Variants in NPAS3 observed in about 807,000 individuals in gnomAD.
NPAS3 encodes the protein neuronal PAS domain protein 3, also known as neuronal PAS domain-containing protein 3.
A neutral mutation model predicts 73.1 loss-of-function variants in NPAS3; 14 were observed. That is an observed-to-expected ratio of 0.19 (90% CI 0.13 to 0.30). The LOEUF (loss-of-function observed/expected upper bound fraction) is 0.30. NPAS3 is among the 10% of genes least tolerant of loss of function. The pLI is 1.00. For missense variants in NPAS3, 1,096 were observed against 1,250.0 expected (o/e 0.88, Z 1.86); for synonymous variants, 620 against 541.5 (o/e 1.14, Z -2.01).
intron 2 of NPAS3, among the ~76,000 whole-genome samples, chr14:33,137,327 C>G (rs1229044858): frequency 6.6e-6 from 1 of 152,100 alleles, no homozygotes; most frequent in Non-Finnish European, 1.5e-5. Context: ...TTTGATGTAG[C>G]CTCTGGCAAC....
rs561605509 is a variant in NPAS3, at chr14:33,059,263, G to T, written c.140+3269G>T. ...GACATTATTTTCTATGTTGCATTTA[G>T]ATTTTATTGGTAATTATTTAAATGA... On this transcript the variant is annotated intron_variant, in intron 2 of 11. Transcript: ENST00000356141. Among the ~76,000 whole-genome samples, 17 of 152,214 alleles carry T rather than the reference G, an allele frequency of 1.1e-4. 1 individual carries two copies. Among genetic ancestry groups the T allele is most frequent in the South Asian group, 6.2e-4 (3 of 4,820 alleles).
chr14:32,938,709 T>G (rs4081133), upstream of NPAS3, among the ~76,000 whole-genome samples: 149,653 of 150,608 alleles, frequency 0.99, 74,361 homozygotes, highest in Middle Eastern at 1. Context: ...GCCACCGGGC[T>G]GCTCCGGGTG....
chr14:33,784,358 C>A (rs551488859), intron 9 of NPAS3, among the ~76,000 whole-genome samples: 1 of 152,314 alleles, frequency 6.6e-6, no homozygotes, highest in Non-Finnish European at 1.5e-5. Context: ...GAGAAGGCAG[C>A]ATGAAACAGC....
At chr14:33,250,577 T>G (rs1333867549) in intron 3 of NPAS3, among the ~76,000 whole-genome samples, 1 of 152,150 alleles carries the variant, frequency 6.6e-6, no homozygotes, top group Non-Finnish European at 1.5e-5. Flanking sequence ...AGACACTTTC[T>G]AAAGTGGACT....
chr14:33,092,221 C>G (rs1221720109), intron 2 of NPAS3, among the ~76,000 whole-genome samples: 2 of 152,064 alleles, frequency 1.3e-5, no homozygotes, highest in Non-Finnish European at 2.9e-5. Context: ...TTTGGAAAAC[C>G]CCATCGTCTC....
chr14:33,345,752 C>T (rs1488931737), intron 3 of NPAS3, among the ~76,000 whole-genome samples: 1 of 152,176 alleles, frequency 6.6e-6, no homozygotes. Flanking sequence ...AGACAAGCTG[C>T]CCTCTGCTGA....
chr14:33,372,983 A>T (rs2046156478), intron 4 of NPAS3, among the ~76,000 whole-genome samples: 1 of 152,188 alleles, frequency 6.6e-6, no homozygotes, highest in Non-Finnish European at 1.5e-5. Context: ...AATATGAAAA[A>T]GTACGCATGT....
chr14:33,659,920 T>C (rs1476625247), intron 5 of NPAS3, among the ~76,000 whole-genome samples: 4 of 152,138 alleles, frequency 2.6e-5, no homozygotes, highest in Non-Finnish European at 2.9e-5. Context: ...CAAATGGACT[T>C]CGCTAAATGA....
At chr14:32,939,298 G>C (rs922049728), upstream of NPAS3, 7 of 730,992 alleles carry the variant, frequency 9.6e-6, no homozygotes, top group Non-Finnish European at 1.7e-5. Flanking sequence ...AGTAAGAGAG[G>C]AAAAAAAATA....
intron 4 of NPAS3, among the ~76,000 whole-genome samples, chr14:33,533,101 C>T (rs374780854): frequency 6.6e-6 from 1 of 151,942 alleles, no homozygotes; most frequent in Non-Finnish European, 1.5e-5. Flanking sequence ...TTTATTTTCT[C>T]ATGGTGGAGA....
At chr14:33,169,894 A>C (rs1243529708) in intron 2 of NPAS3, among the ~76,000 whole-genome samples, 1 of 152,182 alleles carries the variant, frequency 6.6e-6, no homozygotes, top group East Asian at 1.9e-4. Flanking sequence ...TGATTCTCGA[A>C]AGGTCACAGC....
chr14:33,143,430 G>GA, intron 2 of NPAS3, among the ~76,000 whole-genome samples: 1 of 152,132 alleles, frequency 6.6e-6, no homozygotes, highest in East Asian at 1.9e-4. Context: ...GGCAGAGGTT[G>GA]AGGTGAGCCG....
intron 2 of NPAS3, among the ~76,000 whole-genome samples, chr14:33,153,019 C>T (rs1419839677): frequency 6.6e-6 from 1 of 152,042 alleles, no homozygotes; most frequent in Non-Finnish European, 1.5e-5. Flanking sequence ...TTTTTACTCT[C>T]TTAGACTGGT....
chr14:32,952,110 T>C (rs1215738115), intron 1 of NPAS3, among the ~76,000 whole-genome samples: 1 of 151,924 alleles, frequency 6.6e-6, no homozygotes, highest in African/African-American at 2.4e-5. Context: ...ATATATTCTA[T>C]GTATCATATG....
intron 2 of NPAS3, among the ~76,000 whole-genome samples, chr14:33,193,782 CAT>C (rs1438562982): frequency 6.6e-6 from 1 of 152,174 alleles, no homozygotes; most frequent in Non-Finnish European, 1.5e-5. Flanking sequence ...AAATGATTAA[CAT>C]GAGTATTTTC....
chr14:33,693,704 T>C (rs1183963849), intron 6 of NPAS3, among the ~76,000 whole-genome samples: 1 of 152,212 alleles, frequency 6.6e-6, no homozygotes, highest in Non-Finnish European at 1.5e-5. Flanking sequence ...ATTCTTAATA[T>C]GCACTAAAAT....
Position 33,791,667 on chromosome 14 carries a change from T to C in NPAS3, c.1154-2230T>C, listed in dbSNP as rs567228830. ...CAGGAAGGAGGGGGTGATCTTTACA[T>C]TGATTCTGCAGATTCTAATTTGATA... is the stretch of plus-strand genomic sequence containing the variant. On this transcript the variant is annotated intron_variant, in intron 9 of 11. Coordinates refer to ENST00000356141, the Ensembl canonical transcript of NPAS3. Among the ~76,000 whole-genome samples, 8 of 152,358 alleles carry C rather than the reference T, an allele frequency of 5.3e-5. No individual in the cohort carries two copies. In the South Asian group the frequency reaches 1.7e-3, roughly 32 times the overall value.
chr14:33,393,390 C>A (rs1227838773), intron 4 of NPAS3, among the ~76,000 whole-genome samples: 1 of 152,182 alleles, frequency 6.6e-6, no homozygotes, highest in South Asian at 2.1e-4. Context: ...GTACATTAGA[C>A]AAGGAGAGTC....
intron 3 of NPAS3, among the ~76,000 whole-genome samples, chr14:33,272,126 A>T (rs2041119185): frequency 6.6e-6 from 1 of 152,200 alleles, no homozygotes. Flanking sequence ...TCCTGCCAGA[A>T]ATCATGTTTC....
Sources: gnomAD v4.1 joint callset for allele counts (sites outside exome capture counted in the v4.1 genomes callset) on GRCh38, gnomAD v4.1.1 for gene constraint, MANE v1.5 for transcripts, NCBI Gene and HGNC (gene_info 2026-07-23, HGNC 2026-07-21) for gene names.